Variants in GREB1L observed in about 807,000 individuals in gnomAD.
The protein encoded by GREB1L is GREB1-like protein.
Under a neutral mutation model 200.8 loss-of-function variants are expected in GREB1L, and 17 were observed. The ratio of observed to expected loss-of-function variants is 0.08; its 90% CI spans 0.06 to 0.13. The LOEUF (loss-of-function observed/expected upper bound fraction) is 0.13. Ranked by LOEUF, GREB1L falls within the 10% of genes least tolerant of loss-of-function variation. The pLI, the probability that GREB1L is intolerant of heterozygous loss-of-function variation, is 1.00. For synonymous variants in GREB1L, 789 were observed against 893.0 expected (o/e 0.88, Z 2.08); for missense variants, 1,657 against 2,367.7 (o/e 0.70, Z 6.23).
intron 15 of GREB1L, among the ~76,000 whole-genome samples, chr18:21,462,304 A>G (rs796914327): frequency 5.3e-4 from 81 of 152,374 alleles, no homozygotes; most frequent in African/African-American, 1.9e-3. Context: ...GAAACAGAAT[A>G]AAAGTGACGT....
intron 20 of GREB1L, 35 bp from the exon 21 acceptor site, chr18:21,496,419 A>G (rs1171604047): frequency 1.3e-6 from 2 of 1,550,332 alleles, no homozygotes; most frequent in Non-Finnish European, 8.7e-7. Context: ...GCCTGGCCAG[A>G]TAGACTCACC....
intron 2 of GREB1L, among the ~76,000 whole-genome samples, chr18:21,378,372 ATTTAT>A (rs1201577316): frequency 6.6e-6 from 1 of 152,052 alleles, no homozygotes; most frequent in East Asian, 1.9e-4. Flanking sequence ...CATTACCATT[ATTTAT>A]TTTTATTTTT....
At chr18:21,274,906 A>C (rs1159697591) in intron 1 of GREB1L, among the ~76,000 whole-genome samples, 1 of 151,708 alleles carries the variant, frequency 6.6e-6, no homozygotes, top group East Asian at 1.9e-4. Context: ...AATAATAATT[A>C]ATTTAAAAAA....
Position 21,395,441 on chromosome 18 carries a change from G to C in GREB1L, c.412G>C (p.Asp138His), listed in dbSNP as rs761165795. The change falls in exon 5 of 33, where the codon GAC becomes CAC. Residue 138 changes from aspartate to histidine, a missense_variant. Asp to His is a moderately conservative substitution (Grantham distance 81). Around this residue, in one of 9 missense-constraint regions of GREB1L, gnomAD observed 70 missense variants for 151.3 expected, o/e 0.46. Transcript: ENST00000424526. Reference protein sequence around the residue: ...RLVSLCMEQIDIPAGFLLVGA... With the variant: ...RLVSLCMEQIHIPAGFLLVGA... ...GGTATCACTGTGTATGGAACAAATT[G>C]ACATCCCAGCAGGATTCCTCCTGGT... is the stretch of plus-strand genomic sequence containing the variant. 1.9e-6 allele frequency: 3 copies of C among 1,551,198 alleles called. No homozygotes were observed. Among genetic ancestry groups the C allele is most frequent in the Non-Finnish European group, 2.6e-6 (3 of 1,146,736 alleles).
rs2037325544 is a variant in GREB1L at position 21,513,849 on chromosome 18, A to G, written c.4764A>G (p.Leu1588=). Residue 1588 remains leucine, a synonymous_variant, in exon 28 of 33, where the codon CTA becomes CTG. Coordinates refer to ENST00000424526, the MANE Select transcript of GREB1L (RefSeq NM_001142966.3). The part of the protein sequence containing the change: ...VGAARFLIKE[L]SYHNLELERN... The stretch of plus-strand genomic sequence containing the variant: ...CTGCCAGGTTCCTCATCAAGGAGCT[A>G]TCATATCACAACCTAGAATTGGAGA... 2 of 1,551,502 alleles carry G rather than the reference A, an allele frequency of 1.3e-6. No homozygotes were observed. Among genetic ancestry groups the G allele is most frequent in the African/African-American group, 2.7e-5 (2 of 73,052 alleles).
At chr18:21,443,612 G>A (rs150719601) in intron 10 of GREB1L, among the ~76,000 whole-genome samples, 8 of 152,328 alleles carry the variant, frequency 5.3e-5, no homozygotes, top group African/African-American at 1.7e-4. Context: ...ATACAGACAT[G>A]TTTTGCAAAC....
chr18:21,249,860 TAAAA>T (rs78648006), intron 1 of GREB1L, among the ~76,000 whole-genome samples: 1 of 134,534 alleles, frequency 7.4e-6, no homozygotes, highest in Non-Finnish European at 1.6e-5. Flanking sequence ...ACTCTGTCTT[TAAAA>T]AAAAAAAAAA....
chr18:21,271,055 C>T (rs140804295), intron 1 of GREB1L, among the ~76,000 whole-genome samples: 258 of 152,252 alleles, frequency 1.7e-3, no homozygotes, highest in African/African-American at 5.9e-3. Context: ...TTAGCCAGTA[C>T]ATCATATTGA....
At chr18:21,329,540 A>T (rs2039075240) in intron 1 of GREB1L, among the ~76,000 whole-genome samples, 1 of 151,890 alleles carries the variant, frequency 6.6e-6, no homozygotes, top group South Asian at 2.1e-4. Flanking sequence ...CAAGGACTTG[A>T]TTGCTTTTCC....
chr18:21,489,054 G>C (rs28548484), intron 18 of GREB1L, among the ~76,000 whole-genome samples: 2 of 152,212 alleles, frequency 1.3e-5, no homozygotes, highest in Admixed American at 1.3e-4. Flanking sequence ...TTGACTAGCA[G>C]CTCTTCATGC....
At chr18:21,456,182 A>G (rs1321177548) in intron 15 of GREB1L, among the ~76,000 whole-genome samples, 2 of 152,148 alleles carry the variant, frequency 1.3e-5, no homozygotes, top group Non-Finnish European at 2.9e-5. Context: ...CTGGGATTAC[A>G]GGCATAAGCC....
chr18:21,494,936 T>A (rs1365731093), intron 19 of GREB1L, among the ~76,000 whole-genome samples: 1 of 152,236 alleles, frequency 6.6e-6, no homozygotes. Flanking sequence ...ATTAAAGATA[T>A]GTATGTCTAT....
chr18:21,298,880 A>G (rs149231192), intron 1 of GREB1L, among the ~76,000 whole-genome samples: 1,751 of 151,386 alleles, frequency 0.012, 20 homozygotes, highest in South Asian at 0.039. Flanking sequence ...GCTGCATATG[A>G]GCTGTGATCA....
chr18:21,447,936 G>C (rs2034312850), intron 11 of GREB1L, among the ~76,000 whole-genome samples: 1 of 151,890 alleles, frequency 6.6e-6, no homozygotes, highest in African/African-American at 2.4e-5. Context: ...GGCTGAATAG[G>C]GTGGATACTT....
At chr18:21,507,661 A>T (rs959333186) in intron 25 of GREB1L, among the ~76,000 whole-genome samples, 1 of 152,264 alleles carries the variant, frequency 6.6e-6, no homozygotes, top group Non-Finnish European at 1.5e-5. Context: ...TAGCCTGGAA[A>T]GATGGGGCTG....
At chr18:21,420,265 G>A (rs771016685) in intron 7 of GREB1L, among the ~76,000 whole-genome samples, 6 of 151,818 alleles carry the variant, frequency 4.0e-5, no homozygotes, top group Non-Finnish European at 5.9e-5. Flanking sequence ...CCAGCTACTC[G>A]GGAGGCTGAG....
At chr18:21,263,265 G>C (rs988467402) in intron 1 of GREB1L, among the ~76,000 whole-genome samples, 5 of 152,238 alleles carry the variant, frequency 3.3e-5, no homozygotes, top group Admixed American at 2.0e-4. Context: ...GTTTGGTTTG[G>C]GATTGCAAGC....
At chr18:21,311,279 G>A (rs535168993) in intron 1 of GREB1L, among the ~76,000 whole-genome samples, 27 of 152,222 alleles carry the variant, frequency 1.8e-4, no homozygotes, top group Non-Finnish European at 3.5e-4. Context: ...GGTGATAAAT[G>A]CCTCAAAGCA....
chr18:21,354,765 T>A (rs1234119882), intron 1 of GREB1L, among the ~76,000 whole-genome samples: 2 of 152,152 alleles, frequency 1.3e-5, no homozygotes, highest in African/African-American at 2.4e-5. Context: ...TGGGTGGTAT[T>A]TCAGGCAGAG....
Sources: gnomAD v4.1 joint callset for allele counts (sites outside exome capture counted in the v4.1 genomes callset) on GRCh38, gnomAD v4.1.1 for gene constraint, gnomAD v4.1.1 regional missense constraint, MANE v1.5 for transcripts, NCBI Gene and HGNC (gene_info 2026-07-23, HGNC 2026-07-21) for gene names.